The following TUBGCP2 variants were observed in gnomAD, a reference collection of about 807,000 sequenced individuals.
TUBGCP2 encodes the protein tubulin gamma complex component 2.
TUBGCP2 carries 55 observed loss-of-function variants against 92.2 expected under a neutral mutation model. The ratio of observed to expected loss-of-function variants is 0.60; its 90% CI spans 0.48 to 0.75. The LOEUF (loss-of-function observed/expected upper bound fraction) is 0.75. Ranked by LOEUF, TUBGCP2 falls within the 30% of genes least tolerant of loss-of-function variation. The pLI is 0.00. For synonymous variants in TUBGCP2, 533 were observed against 505.2 expected (o/e 1.06, Z -0.74); for missense variants, 1,093 against 1,188.9 (o/e 0.92, Z 1.19).
chr10:133,283,293 C>T, intron 14 of TUBGCP2, 72 bp from the exon 15 acceptor site: 1 of 1,600,542 alleles, frequency 6.2e-7, no homozygotes, highest in Non-Finnish European at 8.5e-7. Flanking sequence ...CGCACGTGCT[C>T]AGTTCTGGCT....
At chr10:133,281,558 G>T in intron 16 of TUBGCP2, 122 bp from the exon 17 acceptor site, 1 of 1,237,788 alleles carries the variant, frequency 8.1e-7, no homozygotes, top group Non-Finnish European at 1.1e-6. Flanking sequence ...GAAAACATGG[G>T]TTCCATGATG....
intron 1 of TUBGCP2, among the ~76,000 whole-genome samples, chr10:133,308,144 T>A (rs1248489563): frequency 6.6e-6 from 1 of 152,222 alleles, no homozygotes; most frequent in Non-Finnish European, 1.5e-5. Context: ...GCCCATTCTC[T>A]GCAGTAGATC....
chr10:133,282,981 G>T, intron 15 of TUBGCP2, 97 bp downstream of exon 15: 1 of 1,508,420 alleles, frequency 6.6e-7, no homozygotes, highest in Non-Finnish European at 9.0e-7. Flanking sequence ...CGAACACAAG[G>T]GCAGGAAAAC....
chr10:133,297,911 C>G (rs376584782), intron 5 of TUBGCP2, 41 bp downstream of exon 5: 15 of 1,604,812 alleles, frequency 9.3e-6, no homozygotes, highest in South Asian at 2.2e-5. Flanking sequence ...CAACGCATCA[C>G]GTACCTATCG....
At chr10:133,311,664 C>A, upstream of TUBGCP2, 1 of 1,479,290 alleles carries the variant, frequency 6.8e-7, no homozygotes, top group Non-Finnish European at 9.3e-7. Context: ...CTGGGGAACA[C>A]AGGGGCTGTG....
chr10:133,305,494 G>A (rs913385374), intron 1 of TUBGCP2, among the ~76,000 whole-genome samples: 8 of 152,060 alleles, frequency 5.3e-5, no homozygotes, highest in Non-Finnish European at 1.0e-4. Context: ...CCCCGGGCCC[G>A]CTGTCTTTTC....
chr10:133,299,754 G>T, intron 3 of TUBGCP2, 151 bp from the exon 4 acceptor site: 3 of 845,678 alleles, frequency 3.5e-6, no homozygotes, highest in Non-Finnish European at 5.5e-6. Context: ...GGAACTGAGC[G>T]TGACACATGC....
At chr10:133,310,331 A>C, upstream of TUBGCP2, 1 of 1,611,348 alleles carries the variant, frequency 6.2e-7, no homozygotes, top group Non-Finnish European at 8.5e-7. Context: ...TTTTGATTTT[A>C]GGAAAAGGTT....
In TUBGCP2 at chr10:133,288,086, G is replaced by A. The variant is rs775677711; in HGVS notation, c.1722+43C>T. On this transcript the variant is annotated intron_variant, in intron 11 of 17. Coordinates refer to ENST00000252936, the MANE Select transcript of TUBGCP2 (RefSeq NM_006659.4). ...GCTGTGCTCTCCTCCCAGCCCCTCC[G>A]AGGCCTCTGCCACAGGGGACAGCCC... 18 of 1,584,962 alleles carry A rather than the reference G, an allele frequency of 1.1e-5. No homozygotes were observed. In the East Asian group the frequency reaches 1.6e-4, roughly 14 times the overall value.
intron 14 of TUBGCP2, 51 bp from the exon 15 acceptor site, chr10:133,283,272 G>A (rs368756666): frequency 1.2e-6 from 2 of 1,611,312 alleles, no homozygotes; most frequent in Non-Finnish European, 1.7e-6. Context: ...CTGACAGACG[G>A]GCCCTGCATG....
chr10:133,281,527 C>T, intron 16 of TUBGCP2, 91 bp from the exon 17 acceptor site: 1 of 1,454,970 alleles, frequency 6.9e-7, no homozygotes, highest in Non-Finnish European at 9.2e-7. Context: ...GGTGTCCTTT[C>T]CCTTCCCCTT....
At chr10:133,280,063 C>A (rs1243974966) in intron 17 of TUBGCP2, among the ~76,000 whole-genome samples, 162 bp from the exon 18 acceptor site, 1 of 152,306 alleles carries the variant, frequency 6.6e-6, no homozygotes, top group East Asian at 1.9e-4. Flanking sequence ...GGCACACACT[C>A]CTTCTGCGGG....
At chr10:133,292,984 C>A in intron 7 of TUBGCP2, 55 bp downstream of exon 7, 1 of 1,582,412 alleles carries the variant, frequency 6.3e-7, no homozygotes, top group Non-Finnish European at 8.6e-7. Context: ...CACTGGGTGC[C>A]ATGTTCAACA....
intron 1 of TUBGCP2, among the ~76,000 whole-genome samples, chr10:133,305,930 A>G (rs769639013): frequency 6.6e-5 from 10 of 152,236 alleles, no homozygotes; most frequent in Non-Finnish European, 1.3e-4. Flanking sequence ...GGGACCCTGA[A>G]CAAGGACACG....
rs946701735 is a variant in TUBGCP2 at position 133,308,856 on chromosome 10, C to A, written c.-73G>T. On this transcript the variant is annotated 5_prime_UTR_variant, in exon 1 of 18. Transcript: ENST00000252936. The stretch of plus-strand genomic sequence containing the variant: ...CGGAGCCACAGCCCCCGCGCAGCCC[C>A]CGACGGCGGCGGAAGTGAGCGTGAC... 1.9e-5 allele frequency: 22 copies of A among 1,140,046 alleles called. No homozygotes were observed. The highest frequency in any genetic ancestry group is 4.5e-5 in the South Asian group (1 of 22,426). The allele number at this position is 1,140,046 out of a possible 1,614,324, so 70.6% of individuals were successfully genotyped here. A position where few individuals can be genotyped will look rare whatever the true frequency, so the allele number is the denominator to read the frequency against.
chr10:133,297,869 A>G, intron 5 of TUBGCP2, 83 bp downstream of exon 5: 1 of 1,565,128 alleles, frequency 6.4e-7, no homozygotes, highest in Non-Finnish European at 8.7e-7. Flanking sequence ...AGAAATAAAC[A>G]CATGACATAC....
In TUBGCP2 at chr10:133,285,608, G is replaced by A. The variant is rs1178987493; in HGVS notation, c.1743C>T (p.Asp581=). ...GGACGCGCAAGAGCTGAGTGATGAG[G>A]TCATGGGGCATCAGGTCGATCTTGG... The part of the protein sequence containing the change: ...DDLKIDLMPH[D]LITQLLRVLA... The change falls in exon 12 of 18, where the codon GAC becomes GAT. Residue 581 remains aspartate, a synonymous_variant. Coordinates refer to ENST00000252936, the MANE Select transcript of TUBGCP2 (RefSeq NM_006659.4). This position sits in a 1 kb window ranked among gnomAD's most constrained non-coding sequence, Gnocchi z 6.8. 1.3e-6 allele frequency: 2 copies of A among 1,520,228 alleles called. No individual in the cohort carries two copies. The highest frequency in any genetic ancestry group is 1.8e-4 in the Middle Eastern group (1 of 5,618). The allele number at this position is 1,520,228 out of a possible 1,614,324, so 94.2% of individuals were successfully genotyped here. A position where few individuals can be genotyped will look rare whatever the true frequency, so the allele number is the denominator to read the frequency against.
Position 133,291,947 on chromosome 10 carries a change from CT to C in TUBGCP2, c.1214+551del, listed in dbSNP as rs1163640680. On this transcript the variant is annotated intron_variant, in intron 8 of 17. Transcript: ENST00000252936. ...GTGTCCCCCATGTCCCTCCGTGTCC[CT>C]CCGTGTCCCCGTGTCCCGGGGAGCC... is the stretch of plus-strand genomic sequence containing the variant. Among the ~76,000 whole-genome samples the C allele has an allele frequency of 6.2e-4, 16 of 25,924 alleles. 1 individual carries two copies. Among genetic ancestry groups the C allele is most frequent in the African/African-American group, 2.3e-3 (15 of 6,426 alleles). The allele number at this position is 25,924 out of a possible 152,430, so 17.0% of individuals were successfully genotyped here. A position where few individuals can be genotyped will look rare whatever the true frequency, so the allele number is the denominator to read the frequency against.
chr10:133,284,321 T>C (rs1847073463), intron 13 of TUBGCP2, among the ~76,000 whole-genome samples: 1 of 152,194 alleles, frequency 6.6e-6, no homozygotes, highest in Admixed American at 6.5e-5. Context: ...ACACAACAGA[T>C]GCATATTTGT....
Sources: allele counts gnomAD v4.1 joint callset (sites outside exome capture counted in the v4.1 genomes callset), GRCh38; gene constraint gnomAD v4.1.1; non-coding constraint Gnocchi (gnomAD v3.1); transcripts MANE v1.5; gene names NCBI Gene and HGNC (gene_info 2026-07-23, HGNC 2026-07-21).